Variants in LRFN5 observed in about 807,000 individuals in gnomAD.
LRFN5 encodes the protein leucine-rich repeat and fibronectin type-III domain-containing protein 5.
A neutral mutation model predicts 45.6 loss-of-function variants in LRFN5; 24 were observed. The observed-to-expected ratio is 0.53, with a 90% CI of 0.38 to 0.74. The LOEUF (loss-of-function observed/expected upper bound fraction) is 0.74, where lower values mean the gene tolerates loss of function less well. Ranked by LOEUF, LRFN5 falls within the 30% of genes least tolerant of loss-of-function variation. The pLI is 0.00. For synonymous variants in LRFN5, 340 were observed against 313.8 expected (o/e 1.08, Z -0.88); for missense variants, 776 against 861.5 (o/e 0.90, Z 1.24).
chr14:41,789,828 G>A (rs903868370), intron 2 of LRFN5, among the ~76,000 whole-genome samples: 1 of 151,830 alleles, frequency 6.6e-6, no homozygotes, highest in Admixed American at 6.6e-5. Context: ...AATGTTTATT[G>A]GGTAGGATTT....
intron 1 of LRFN5, among the ~76,000 whole-genome samples, chr14:41,734,335 T>TATATATAAAATCATAA (rs1452885614): frequency 1.8e-4 from 19 of 107,676 alleles, no homozygotes; most frequent in African/African-American, 5.7e-4. Flanking sequence ...TATATATATA[T>TATATATAAAATCATAA]ATATATATAT....
At chr14:41,755,570 A>G (rs1267100724) in intron 1 of LRFN5, among the ~76,000 whole-genome samples, 2 of 152,086 alleles carry the variant, frequency 1.3e-5, no homozygotes, top group African/African-American at 4.8e-5. Flanking sequence ...CTGTTTTATC[A>G]GAGACTAGGA....
intron 1 of LRFN5, among the ~76,000 whole-genome samples, chr14:41,639,154 A>T (rs979036140): frequency 1.3e-5 from 2 of 152,062 alleles, no homozygotes. Context: ...ATATATTACT[A>T]AAGACAGGGC....
intron 2 of LRFN5, among the ~76,000 whole-genome samples, chr14:41,817,438 C>A (rs1016260422): frequency 3.7e-4 from 57 of 152,138 alleles, no homozygotes; most frequent in Non-Finnish European, 6.8e-4. Context: ...GAGAAGCCTT[C>A]TATAATCCTA....
intron 1 of LRFN5, among the ~76,000 whole-genome samples, chr14:41,715,952 C>T (rs1455710127): frequency 6.6e-6 from 1 of 151,120 alleles, no homozygotes; most frequent in Non-Finnish European, 1.5e-5. Flanking sequence ...CGTTTCCATA[C>T]ATCTTCTGAA....
chr14:41,643,688 G>A (rs955914366), intron 1 of LRFN5, among the ~76,000 whole-genome samples: 13 of 150,212 alleles, frequency 8.7e-5, no homozygotes, highest in African/African-American at 3.2e-4. Flanking sequence ...GCACGTGAGA[G>A]TGCACACATA....
intron 1 of LRFN5, among the ~76,000 whole-genome samples, chr14:41,648,514 A>G (rs991924723): frequency 1.3e-5 from 2 of 152,170 alleles, no homozygotes; most frequent in African/African-American, 4.8e-5. Context: ...GAAAAATAAA[A>G]TGGCTGTGTC....
At chr14:41,812,726 A>G (rs529475546) in intron 2 of LRFN5, among the ~76,000 whole-genome samples, 1 of 152,226 alleles carries the variant, frequency 6.6e-6, no homozygotes, top group South Asian at 2.1e-4. Context: ...AATTTGTTAA[A>G]TAAAATTGAT....
chr14:41,891,152 A>T, intron 3 of LRFN5, 98 bp from the exon 4 acceptor site: 1 of 884,972 alleles, frequency 1.1e-6, no homozygotes, highest in Non-Finnish European at 1.8e-6. Flanking sequence ...AAATGTACTT[A>T]ATGATACTGA....
At chr14:41,815,761 T>TATAAATAAATAA (rs750312531) in intron 2 of LRFN5, among the ~76,000 whole-genome samples, 5 of 151,466 alleles carry the variant, frequency 3.3e-5, no homozygotes, top group African/African-American at 1.2e-4. Flanking sequence ...TAAAAATAAA[T>TATAAATAAATAA]ATAAATAAAT....
intron 2 of LRFN5, among the ~76,000 whole-genome samples, chr14:41,825,748 G>A (rs866924120): frequency 3.3e-4 from 50 of 152,206 alleles, no homozygotes; most frequent in African/African-American, 1.1e-3. Flanking sequence ...CTTGGTTTGG[G>A]GGGAGGGTGA....
intron 2 of LRFN5, among the ~76,000 whole-genome samples, chr14:41,877,264 G>T (rs1451464280): frequency 6.6e-6 from 1 of 152,102 alleles, no homozygotes; most frequent in Non-Finnish European, 1.5e-5. Flanking sequence ...GCAGCTGCAG[G>T]CGCCTGAGTA....
chr14:41,724,762 C>T (rs1883860213), intron 1 of LRFN5, among the ~76,000 whole-genome samples: 1 of 152,054 alleles, frequency 6.6e-6, no homozygotes, highest in South Asian at 2.1e-4. Context: ...TAAATGTTTA[C>T]ATCTTTATAC....
chr14:41,841,317 A>G (rs368650472), intron 2 of LRFN5, among the ~76,000 whole-genome samples: 1 of 152,082 alleles, frequency 6.6e-6, no homozygotes, highest in East Asian at 1.9e-4. Flanking sequence ...AGAGAAAAGT[A>G]AAATGGCTTC....
chr14:41,902,403 C>A (rs1057001920), intron 5 of LRFN5, among the ~76,000 whole-genome samples: 1 of 151,766 alleles, frequency 6.6e-6, no homozygotes, highest in Non-Finnish European at 1.5e-5. Flanking sequence ...TAGGAGCTAT[C>A]TATTGATAAG....
At chr14:41,845,565 A>G (rs780538549) in intron 2 of LRFN5, among the ~76,000 whole-genome samples, 1 of 152,064 alleles carries the variant, frequency 6.6e-6, no homozygotes, top group Non-Finnish European at 1.5e-5. Flanking sequence ...TCTCCTTGGA[A>G]ACTGCAAGGT....
Position 41,630,672 on chromosome 14 carries a change from AGAT to A in LRFN5, c.-197+22111_-197+22113del, listed in dbSNP as rs554353595. Among the ~76,000 whole-genome samples the A allele has an allele frequency of 5.0e-3, 766 of 152,218 alleles. 4 individuals carry two copies. The highest frequency in any genetic ancestry group is 0.018 in the African/African-American group (743 of 41,572). ...CTTTTGAGAGAACATAAATGGGAAA[AGAT>A]AATTTTCTTTTACTTTATTCATTTA... is the stretch of plus-strand genomic sequence containing the variant. On this transcript the variant is annotated intron_variant, in intron 1 of 5. Coordinates refer to ENST00000298119, the MANE Select transcript of LRFN5 (RefSeq NM_152447.5).
chr14:41,776,838 A>G (rs1300342499), intron 2 of LRFN5, among the ~76,000 whole-genome samples: 1 of 152,084 alleles, frequency 6.6e-6, no homozygotes, highest in East Asian at 1.9e-4. Context: ...GTATTTTAAA[A>G]GTTTATTTTC....
chr14:41,717,750 G>A (rs1262708379), intron 1 of LRFN5, among the ~76,000 whole-genome samples: 4 of 152,156 alleles, frequency 2.6e-5, no homozygotes, highest in Non-Finnish European at 4.4e-5. Flanking sequence ...TATAACTCTA[G>A]TGAACATTGC....
Sources: gnomAD v4.1 joint callset for allele counts (sites outside exome capture counted in the v4.1 genomes callset) on GRCh38, gnomAD v4.1.1 for gene constraint, MANE v1.5 for transcripts, NCBI Gene and HGNC (gene_info 2026-07-23, HGNC 2026-07-21) for gene names.